Variants in AP4S1 observed in about 807,000 individuals in gnomAD.
AP4S1 encodes AP-4 complex subunit sigma-1.
AP4S1 carries 23 observed loss-of-function variants against 19.8 expected under a neutral mutation model. The ratio of observed to expected loss-of-function variants is 1.16; its 90% confidence interval spans 0.84 to 1.65. The LOEUF (loss-of-function observed/expected upper bound fraction) is 1.65. AP4S1 is among the 40% of genes most tolerant of loss of function. The probability of loss-of-function intolerance (pLI) is 0.00; values close to 1 mark genes in which losing one functional copy is unlikely to be tolerated. For synonymous variants in AP4S1, 46 were observed against 54.1 expected (o/e 0.85, Z 0.66); for missense variants, 166 against 172.8 (o/e 0.96, Z 0.22).
chr14:31,058,533 G>C (rs1354411465), intron 1 of AP4S1, among the ~76,000 whole-genome samples: 310 of 14,132 alleles, frequency 0.022, 2 homozygotes, highest in African/African-American at 0.04. Flanking sequence ...GTGTATGTGT[G>C]TGTGTGTGTG....
At chr14:31,052,163 AG>A (rs762799329) in intron 1 of AP4S1, among the ~76,000 whole-genome samples, 13 of 152,122 alleles carry the variant, frequency 8.5e-5, no homozygotes, top group Non-Finnish European at 1.8e-4. Flanking sequence ...CACAACCACT[AG>A]GGAGGCTGAA....
chr14:31,072,331 C>G (rs1327542511), intron 3 of AP4S1, among the ~76,000 whole-genome samples: 2 of 152,146 alleles, frequency 1.3e-5, no homozygotes, highest in African/African-American at 4.8e-5. Context: ...CCACCTCGGC[C>G]TCCCAAAGTG....
upstream of AP4S1, chr14:31,025,307 G>A (rs566690585): frequency 6.4e-6 from 1 of 155,510 alleles, no homozygotes. Context: ...AGGTGAGAAA[G>A]TACTTAAAGT....
At chr14:31,028,269 C>A (rs1884165095) in intron 1 of AP4S1, among the ~76,000 whole-genome samples, 2 of 151,858 alleles carry the variant, frequency 1.3e-5, no homozygotes, top group Admixed American at 1.3e-4. Context: ...CCTGGAGCTC[C>A]CTGGCTGAGG....
intron 3 of AP4S1, among the ~76,000 whole-genome samples, chr14:31,071,373 GACACTA>G (rs1886989410): frequency 6.6e-6 from 1 of 152,110 alleles, no homozygotes; most frequent in Non-Finnish European, 1.5e-5. Context: ...CTAAGTGCTA[GACACTA>G]AGATTTTAAT....
rs747518321 is a variant in AP4S1 at position 31,069,851 on chromosome 14, C to G, written c.147C>G (p.Phe49Leu). ...CATTGTGTTTTGTCTAGTGCTCTTT[C>G]ATTGAATATAAGGATTTTAAGCTGA... ...CLSRSNEQCS[F>L]IEYKDFKLIY... The change falls in exon 3 of 6, where the codon TTC becomes TTG. Residue 49 changes from phenylalanine to leucine, a missense_variant. Coordinates refer to ENST00000542754, the MANE Select transcript of AP4S1 (RefSeq NM_001128126.3). 4.3e-6 allele frequency: 7 copies of G among 1,611,884 alleles called. No homozygotes were observed. The South Asian group carries it at 4.4e-5, about 10-fold the overall frequency.
At chr14:31,046,276 C>G (rs183416549) in intron 1 of AP4S1, among the ~76,000 whole-genome samples, 5 of 152,014 alleles carry the variant, frequency 3.3e-5, no homozygotes, top group Admixed American at 6.6e-5. Flanking sequence ...TTTAAATCCC[C>G]AAAACAAAGC....
intron 1 of AP4S1, among the ~76,000 whole-genome samples, chr14:31,035,161 C>T (rs1483201669): frequency 3.3e-5 from 5 of 149,366 alleles, no homozygotes; most frequent in Admixed American, 6.7e-5. Flanking sequence ...AACACCATAC[C>T]ATTATCACAC....
intron 1 of AP4S1, chr14:31,027,173 C>T (rs1350714399): frequency 6.6e-6 from 1 of 151,728 alleles, no homozygotes; most frequent in African/African-American, 2.4e-5. Flanking sequence ...GTAGTGAATT[C>T]CTTTAGATCT....
chr14:31,035,230 C>T (rs1371538187), intron 1 of AP4S1, among the ~76,000 whole-genome samples: 2 of 119,746 alleles, frequency 1.7e-5, no homozygotes, highest in Non-Finnish European at 3.2e-5. Flanking sequence ...GAGTCTAGCT[C>T]TATCGCCAGG....
At chr14:31,026,296 C>T (rs1204647044) in intron 1 of AP4S1, 12 of 1,194,544 alleles carry the variant, frequency 1.0e-5, no homozygotes, top group African/African-American at 6.5e-5. Flanking sequence ...GGGAGAGGGG[C>T]GGGGAAGGGG....
intron 5 of AP4S1, chr14:31,085,738 A>C (rs1887894587): frequency 1.2e-6 from 1 of 844,962 alleles, no homozygotes; most frequent in Admixed American, 6.2e-5. Flanking sequence ...GTGCTACTGC[A>C]CTCCAATCTG....
At chr14:31,070,802 C>T (rs1164892583) in intron 3 of AP4S1, among the ~76,000 whole-genome samples, 3 of 152,146 alleles carry the variant, frequency 2.0e-5, no homozygotes, top group Non-Finnish European at 4.4e-5. Flanking sequence ...CCTGAAATCC[C>T]AGCACTTTGG....
At chr14:31,026,410 G>T (rs1267412203) in intron 1 of AP4S1, 3 of 438,920 alleles carry the variant, frequency 6.8e-6, no homozygotes, top group Middle Eastern at 5.8e-4. Flanking sequence ...TTAGGGGAAG[G>T]GGGGGCCTCG....
intron 4 of AP4S1, among the ~76,000 whole-genome samples, chr14:31,074,702 A>T (rs1887261402): frequency 1.3e-5 from 2 of 152,080 alleles, no homozygotes; most frequent in African/African-American, 4.8e-5. Context: ...GTAAGTGTAT[A>T]ATCAAGCTGG....
At chr14:31,074,485 C>T (rs1456415991) in intron 4 of AP4S1, among the ~76,000 whole-genome samples, 1 of 152,078 alleles carries the variant, frequency 6.6e-6, no homozygotes, top group African/African-American at 2.4e-5. Context: ...ACCCTGTCTC[C>T]ATCCTGGCTA....
chr14:31,040,947 G>A (rs1230275873), intron 1 of AP4S1, among the ~76,000 whole-genome samples: 1 of 151,516 alleles, frequency 6.6e-6, no homozygotes, highest in East Asian at 2.0e-4. Flanking sequence ...GGTGGCGGGT[G>A]CCTGTAAGTC....
intron 1 of AP4S1, among the ~76,000 whole-genome samples, chr14:31,040,538 C>T (rs1885049575): frequency 6.6e-6 from 1 of 152,062 alleles, no homozygotes; most frequent in African/African-American, 2.4e-5. Context: ...TCATTTGAAT[C>T]CTAATGCAGT....
chr14:31,049,452 T>A (rs1885640232), intron 1 of AP4S1, among the ~76,000 whole-genome samples: 1 of 81,140 alleles, frequency 1.2e-5, no homozygotes, highest in Non-Finnish European at 2.3e-5. Context: ...TATATATATA[T>A]ATATATATAT....
Sources: allele counts gnomAD v4.1 joint callset (sites outside exome capture counted in the v4.1 genomes callset), GRCh38; gene constraint gnomAD v4.1.1; transcripts MANE v1.5; gene names NCBI Gene and HGNC (gene_info 2026-07-23, HGNC 2026-07-21).